Variants in IL7 observed in about 807,000 individuals in gnomAD.
IL7 encodes the protein interleukin 7.
In IL7, 3 loss-of-function variants were observed where a neutral mutation model predicts 21.6. The observed-to-expected ratio is 0.14, with a 90% confidence interval of 0.06 to 0.36. The LOEUF (loss-of-function observed/expected upper bound fraction) is 0.36, where lower values mean the gene tolerates loss of function less well. IL7 is among the 10% of genes least tolerant of loss of function. The pLI is 1.00. For missense variants in IL7, 175 were observed against 200.2 expected (o/e 0.87, Z 0.76); for synonymous variants, 62 against 68.1 (o/e 0.91, Z 0.44).
At chr8:78,704,171 C>T (rs1222212090) in intron 3 of IL7, among the ~76,000 whole-genome samples, 2 of 152,040 alleles carry the variant, frequency 1.3e-5, no homozygotes, top group South Asian at 2.1e-4. Context: ...CACCTGAGGT[C>T]AGGAGTTCAA....
intron 1 of IL7, among the ~76,000 whole-genome samples, 177 bp downstream of exon 1, chr8:78,804,736 C>T (rs1209132091): frequency 6.6e-6 from 1 of 152,218 alleles, no homozygotes; most frequent in Non-Finnish European, 1.5e-5. Flanking sequence ...GGCTATGTGC[C>T]AGGATACTCA....
At chr8:78,776,087 G>A (rs534256494) in intron 2 of IL7, among the ~76,000 whole-genome samples, 45 of 152,108 alleles carry the variant, frequency 3.0e-4, no homozygotes, top group African/African-American at 9.6e-4. Context: ...ATTAGGCACA[G>A]TAAGAGATTA....
chr8:78,755,498 T>G (rs994689899), intron 2 of IL7, among the ~76,000 whole-genome samples: 22 of 152,050 alleles, frequency 1.4e-4, no homozygotes, highest in African/African-American at 5.1e-4. Flanking sequence ...CTCTTCAGTC[T>G]TTCATTAGTG....
chr8:78,717,454 A>G (rs368060254), downstream of IL7: 14 of 1,599,438 alleles, frequency 8.8e-6, no homozygotes, highest in African/African-American at 1.8e-4. Flanking sequence ...AATGGGCCAA[A>G]TTTTGCTGTG....
At chr8:78,677,351 C>T (rs1369244900) in intron 4 of IL7, among the ~76,000 whole-genome samples, 1 of 145,942 alleles carries the variant, frequency 6.9e-6, no homozygotes, top group Non-Finnish European at 1.5e-5. Flanking sequence ...ATGGACAACT[C>T]TTTAAAAAAA....
chr8:78,679,678 C>T (rs1809702439), intron 4 of IL7, among the ~76,000 whole-genome samples: 2 of 151,988 alleles, frequency 1.3e-5, no homozygotes, highest in Admixed American at 6.6e-5. Context: ...AGCTAAGTAC[C>T]TGATTGAATA....
intron 1 of IL7, among the ~76,000 whole-genome samples, chr8:78,804,293 C>CA (rs1369361530): frequency 2.1e-4 from 32 of 151,906 alleles, no homozygotes; most frequent in African/African-American, 3.9e-4. Flanking sequence ...AAAACAAAAA[C>CA]AAAAAAACCC....
At chr8:78,717,570 C>T, downstream of IL7, 2 of 1,439,454 alleles carry the variant, frequency 1.4e-6, no homozygotes, top group Non-Finnish European at 1.9e-6. Context: ...AGCACATCCT[C>T]TAGTTAGTTT....
intron 3 of IL7, chr8:78,697,414 C>T (rs150344275): frequency 2.3e-5 from 36 of 1,595,956 alleles, no homozygotes; most frequent in Non-Finnish European, 2.8e-5. Context: ...TAGTATAAGC[C>T]ACCCGCACTT....
chr8:78,692,309 G>A (rs1257056544), intron 3 of IL7, among the ~76,000 whole-genome samples: 1 of 151,928 alleles, frequency 6.6e-6, no homozygotes, highest in Non-Finnish European at 1.5e-5. Context: ...GCCTGTGCCT[G>A]GCTTAATTTC....
chr8:78,735,883 G>A (rs1045423300), intron 5 of IL7, among the ~76,000 whole-genome samples: 1 of 151,866 alleles, frequency 6.6e-6, no homozygotes, highest in Non-Finnish European at 1.5e-5. Flanking sequence ...AACTTAATTA[G>A]TACCTATATC....
chr8:78,680,758 T>G (rs977371010), intron 4 of IL7, among the ~76,000 whole-genome samples: 1 of 152,210 alleles, frequency 6.6e-6, no homozygotes, highest in Admixed American at 6.5e-5. Context: ...GGCCTGTGGC[T>G]GGATTCTGGA....
chr8:78,702,699 C>A (rs988649151), intron 3 of IL7, among the ~76,000 whole-genome samples: 1 of 152,016 alleles, frequency 6.6e-6, no homozygotes, highest in East Asian at 1.9e-4. Flanking sequence ...CCGATTTCTG[C>A]GTTAATTTCA....
intron 2 of IL7, among the ~76,000 whole-genome samples, chr8:78,759,055 A>AT (rs1812451137): frequency 1.5e-5 from 2 of 131,332 alleles, no homozygotes; most frequent in African/African-American, 3.3e-5. Context: ...TTATTCTTTT[A>AT]TTCCCCCCCC....
At chr8:78,717,503 C>CAAA (rs5892663), downstream of IL7, 507 of 1,255,242 alleles carry the variant, frequency 4.0e-4, 1 homozygote, top group South Asian at 9.0e-4. Flanking sequence ...AATAGAATCT[C>CAAA]AAAAAAAAAA....
chr8:78,689,347 G>A (rs1324270053), intron 3 of IL7: 1 of 1,596,512 alleles, frequency 6.3e-7, no homozygotes, highest in East Asian at 2.3e-5. Context: ...AGATACCAAA[G>A]GAAAACCAAC....
chr8:78,720,522 G>A (rs1811218206), intron 5 of IL7, among the ~76,000 whole-genome samples: 1 of 151,722 alleles, frequency 6.6e-6, no homozygotes, highest in Non-Finnish European at 1.5e-5. Context: ...GGTGCATTTG[G>A]ATAATTATTT....
intron 5 of IL7, chr8:78,719,903 T>C (rs1295472679): frequency 6.6e-6 from 1 of 151,846 alleles, no homozygotes; most frequent in Admixed American, 6.6e-5. Context: ...TGTATTCTTA[T>C]GCCATCAGCT....
At chr8:78,758,408 C>A (rs1812426722) in intron 2 of IL7, among the ~76,000 whole-genome samples, 1 of 151,942 alleles carries the variant, frequency 6.6e-6, no homozygotes, top group Non-Finnish European at 1.5e-5. Flanking sequence ...GCTTTGATTT[C>A]TTTCTTGCTT....
Sources: gnomAD v4.1 joint callset for allele counts (sites outside exome capture counted in the v4.1 genomes callset) on GRCh38, gnomAD v4.1.1 for gene constraint, MANE v1.5 for transcripts, NCBI Gene and HGNC (gene_info 2026-07-23, HGNC 2026-07-21) for gene names.